The following ENO1 variants were observed in gnomAD, a reference collection of about 807,000 sequenced individuals.
The protein encoded by ENO1 is enolase 1.
A neutral mutation model predicts 46.3 loss-of-function variants in ENO1; 33 were observed. The observed-to-expected ratio is 0.71, with a 90% CI of 0.54 to 0.95. ENO1 has a LOEUF of 0.95. Ranked by LOEUF, ENO1 falls within the 40% of genes least tolerant of loss-of-function variation. The probability of loss-of-function intolerance (pLI) is 0.00; values close to 1 mark genes in which losing one functional copy is unlikely to be tolerated. For missense variants in ENO1, 488 were observed against 553.3 expected (o/e 0.88, Z 1.18); for synonymous variants, 220 against 216.0 (o/e 1.02, Z -0.16).
chr1:8,866,654 G>T, intron 6 of ENO1, 153 bp from the exon 7 acceptor site: 2 of 729,858 alleles, frequency 2.7e-6, no homozygotes, highest in South Asian at 3.6e-5. Context: ...GCTGTGAAAT[G>T]CTCACCAGGT....
chr1:8,871,574 G>GT (rs1022894938), intron 3 of ENO1: 7 of 1,099,538 alleles, frequency 6.4e-6, no homozygotes, highest in Non-Finnish European at 7.8e-6. Flanking sequence ...CTTTTCTTTA[G>GT]TTAACAGGCC....
intron 2 of ENO1, among the ~76,000 whole-genome samples, chr1:8,874,577 C>CAAAAAAAAAAAAAAAAAAAAAAAAAA (rs140269736): frequency 2.9e-4 from 15 of 51,590 alleles, no homozygotes; most frequent in Admixed American, 3.2e-4. Context: ...GACTCCATCT[C>CAAAAAAAAAAAAAAAAAAAAAAAAAA]AAAAAAAAAA....
Position 8,863,428 on chromosome 1 carries a change from G to C in ENO1, c.1068-85C>G, listed in dbSNP as rs535850427. ...ATGCCATTACCCCTCGGTGCCAGCA[G>C]GAAAGCAGTGGAGGGGCTGTTAATG... On this transcript the variant is annotated intron_variant, in intron 9 of 11. Coordinates refer to ENST00000234590, the MANE Select transcript of ENO1 (RefSeq NM_001428.5). The C allele has an allele frequency of 5.3e-6, 7 of 1,332,608 alleles. No individual in the cohort carries two copies. The East Asian group carries it at 1.5e-4, about 28-fold the overall frequency. The allele number at this position is 1,332,608 out of a possible 1,614,324, so 82.5% of individuals were successfully genotyped here.
chr1:8,870,773 G>A, intron 3 of ENO1: 2 of 1,407,782 alleles, frequency 1.4e-6, no homozygotes, highest in Non-Finnish European at 1.8e-6. Context: ...TAGTTTGCAA[G>A]ACCATGCACT....
chr1:8,873,508 T>C (rs1642673335), intron 2 of ENO1, among the ~76,000 whole-genome samples: 1 of 152,236 alleles, frequency 6.6e-6, no homozygotes, highest in South Asian at 2.1e-4. Flanking sequence ...TTCATTAATA[T>C]CCAAGTAGAA....
chr1:8,861,871 T>C (rs1642412114), intron 11 of ENO1, among the ~76,000 whole-genome samples: 1 of 132,512 alleles, frequency 7.5e-6, no homozygotes, highest in African/African-American at 2.8e-5. Context: ...GCTGTTTGGA[T>C]CTTGATGTTA....
rs1477895708 is a variant in ENO1 at position 8,878,274 on chromosome 1, C to T, written c.-10+306G>A. 1.9e-5 allele frequency: 5 copies of T among 261,408 alleles called. No individual in the cohort carries two copies. In the East Asian group the frequency reaches 6.4e-4, roughly 34 times the overall value. The allele number at this position is 261,408 out of a possible 1,614,324, so 16.2% of individuals were successfully genotyped here. ...AACTCCCGCTGTGCTAAGCAGCTCGCGTGTGCAGCTCCCGACCTTCCCTGA... is the reference window on the plus strand; with the variant it reads ...AACTCCCGCTGTGCTAAGCAGCTCGTGTGTGCAGCTCCCGACCTTCCCTGA... On this transcript the variant is annotated intron_variant, in intron 1 of 11. Coordinates refer to ENST00000234590, the MANE Select transcript of ENO1 (RefSeq NM_001428.5).
At chr1:8,875,178 C>T (rs369372680) in intron 1 of ENO1, among the ~76,000 whole-genome samples, 58 of 151,898 alleles carry the variant, frequency 3.8e-4, no homozygotes, top group African/African-American at 1.4e-3. Flanking sequence ...ACGCTAAGGG[C>T]GTGGGAGTTA....
In ENO1 at chr1:8,871,213, C is replaced by T. The variant is rs551289327; in HGVS notation, c.181+678G>A. On this transcript the variant is annotated intron_variant, in intron 3 of 11. Coordinates refer to ENST00000234590, the MANE Select transcript of ENO1 (RefSeq NM_001428.5). ...CGACACCAGCCCAGTGTTTCACAAC[C>T]TGATTTCATCATTGTCCCCTCCCTG... 1.6e-5 allele frequency: 17 copies of T among 1,047,340 alleles called. No homozygotes were observed. In the East Asian group the frequency reaches 1.1e-3, roughly 69 times the overall value. 64.9% of individuals were successfully genotyped at this position (1,047,340 alleles called of 1,614,324 possible).
chr1:8,871,514 G>A (rs1642632082), intron 3 of ENO1: 2 of 1,031,226 alleles, frequency 1.9e-6, no homozygotes, highest in South Asian at 3.7e-5. Flanking sequence ...CCCGTGAAGA[G>A]GCTGATGATC....
At chr1:8,876,797 GAA>G (rs568724753) in intron 1 of ENO1, among the ~76,000 whole-genome samples, 6 of 131,584 alleles carry the variant, frequency 4.6e-5, no homozygotes, top group South Asian at 2.5e-4. Context: ...CTCCGTCTCA[GAA>G]AAAAAAAAAA....
chr1:8,863,210 G>T (rs765431276), intron 10 of ENO1, 25 bp downstream of exon 10: 93 of 1,612,454 alleles, frequency 5.8e-5, no homozygotes, highest in Non-Finnish European at 7.5e-5. Flanking sequence ...GGTCAGAGAA[G>T]AAAGGAGGAG....
Position 8,868,051 on chromosome 1 carries a change from T to C in ENO1, c.247A>G (p.Asn83Asp), listed in dbSNP as rs780657040. The change falls in exon 5 of 12, where the codon AAC (asparagine) becomes GAC (aspartate). Residue 83 changes from asparagine to aspartate, a missense_variant. Physicochemically the swap from Asn to Asp is conservative, Grantham distance 23. Coordinates refer to ENST00000234590, the MANE Select transcript of ENO1 (RefSeq NM_001428.5). ...TCAATCTTCTCTTGTTCTGTGACGTTCAGTTTCTACGAGGGAGAGGGGAGA... is the reference window on the plus strand; with the variant it reads ...TCAATCTTCTCTTGTTCTGTGACGTCCAGTTTCTACGAGGGAGAGGGGAGA... Reference protein sequence around the residue: ...IAPALVSKKLNVTEQEKIDKL... With the variant: ...IAPALVSKKLDVTEQEKIDKL... 1.2e-6 allele frequency: 2 copies of C among 1,613,720 alleles called. No individual in the cohort carries two copies. Among genetic ancestry groups the C allele is most frequent in the Non-Finnish European group, 1.7e-6 (2 of 1,179,780 alleles).
chr1:8,878,243 A>C (rs1642778456), intron 1 of ENO1: 1 of 202,900 alleles, frequency 4.9e-6, no homozygotes, highest in African/African-American at 2.4e-5. Context: ...AGCAACTTCC[A>C]CTCCCAACTC....
chr1:8,874,848 C>T lies in ENO1; in HGVS notation c.61G>A (p.Glu21Lys). 6.2e-7 allele frequency: 1 copy of T among 1,613,638 alleles called. No individual in the cohort carries two copies. The highest frequency in any genetic ancestry group is 8.5e-7 in the Non-Finnish European group (1 of 1,179,806). Residue 21 changes from glutamate (E) to lysine (K), a missense_variant, in exon 2 of 12, where the codon GAG (glutamate) becomes AAG (lysine). Glu to Lys is a moderately conservative substitution (Grantham distance 56). Transcript: ENST00000234590. ...IFDSRGNPTV[E>K]VDLFTSKGLF... The stretch of plus-strand genomic sequence containing the variant: ...CCTTTTGAGGTGAAGAGATCAACCT[C>T]AACAGTGGGATTCCCGCGAGAGTCA...
intron 7 of ENO1, 95 bp from the exon 8 acceptor site, chr1:8,865,577 T>C (rs1222245829): frequency 1.6e-6 from 2 of 1,242,848 alleles, no homozygotes; most frequent in Non-Finnish European, 2.3e-6. Context: ...AACACAAAGA[T>C]CAACAGGTGT....
In ENO1 at chr1:8,866,510, A is replaced by T. The variant is rs781675100; in HGVS notation, c.445-9T>A. 2 of 1,614,064 alleles carry T rather than the reference A, an allele frequency of 1.2e-6. No individual in the cohort carries two copies. The highest frequency in any genetic ancestry group is 1.7e-6 in the Non-Finnish European group (2 of 1,179,994). ...TTGATGACATTGAACGCCTGGGGAG[A>T]GCAGAGCAGAGAAGCATGGCACTGG... On this transcript the variant is annotated splice_polypyrimidine_tract_variant and intron_variant, in intron 6 of 11. Coordinates refer to ENST00000234590, the MANE Select transcript of ENO1 (RefSeq NM_001428.5).
chr1:8,862,893 A>T lies in ENO1; in HGVS notation c.1229T>A (p.Leu410His). The T allele has an allele frequency of 6.2e-7, 1 of 1,614,076 alleles. No individual in the cohort carries two copies. Among genetic ancestry groups the T allele is most frequent in the Non-Finnish European group, 8.5e-7 (1 of 1,179,962 alleles). Residue 410 changes from leucine (L) to histidine (H), a missense_variant, in exon 11 of 12, where the codon CTC (leucine) becomes CAC (histidine). Transcript: ENST00000234590. ...TCTCAGGAGCCCTCCTTACCTGAGG[A>T]GCTGGTTGTACTTGGCCAAGCGCTC... is the stretch of plus-strand genomic sequence containing the variant. ...RSERLAKYNQ[L>H]LRIEEELGSK...
At chr1:8,870,959 AG>A in intron 3 of ENO1, 1 of 1,248,066 alleles carries the variant, frequency 8.0e-7, no homozygotes, top group Non-Finnish European at 1.0e-6. Flanking sequence ...TGCGAGTGAG[AG>A]ACAGTGAGGG....
Sources: gnomAD v4.1 joint callset for allele counts (sites outside exome capture counted in the v4.1 genomes callset) on GRCh38, gnomAD v4.1.1 for gene constraint, MANE v1.5 for transcripts, NCBI Gene and HGNC (gene_info 2026-07-23, HGNC 2026-07-21) for gene names.